MFSD11: variants seen among roughly 807,000 people sequenced by gnomAD.
MFSD11 encodes major facilitator superfamily domain containing 11.
MFSD11 carries 36 observed loss-of-function variants against 53.5 expected under a neutral mutation model. The observed-to-expected ratio is 0.67, with a 90% CI of 0.52 to 0.89. The LOEUF is 0.89. Ranked by LOEUF, MFSD11 falls within the 40% of genes least tolerant of loss-of-function variation. The probability of loss-of-function intolerance (pLI) is 0.00; values close to 1 mark genes in which losing one functional copy is unlikely to be tolerated. For missense variants in MFSD11, 530 were observed against 543.9 expected, an observed-to-expected ratio of 0.97 and a Z score of 0.25; for synonymous variants, 186 against 184.9, an observed-to-expected ratio of 1.01 and a Z score of -0.05.
chr17:76,776,390 T>C lies in MFSD11; in HGVS notation c.1050-16T>C. On this transcript the variant is annotated splice_polypyrimidine_tract_variant and intron_variant, in intron 11 of 12. Transcript: ENST00000685175. The surrounding 1 kb of genome is among the most constrained non-coding windows in gnomAD (Gnocchi z 4.2). ...GCAGATATTGCTCATACTAAATTGA[T>C]TTTTATTTTCTTCAGCAAAGAAGTT... 6.2e-7 allele frequency: 1 copy of C among 1,611,588 alleles called. No individual in the cohort carries two copies. The highest frequency in any genetic ancestry group is 8.5e-7 in the Non-Finnish European group (1 of 1,179,296).
At chr17:76,749,904 A>AAAG (rs2078903714) in intron 7 of MFSD11, among the ~76,000 whole-genome samples, 1 of 151,838 alleles carries the variant, frequency 6.6e-6, no homozygotes, top group Non-Finnish European at 1.5e-5. Flanking sequence ...AAAAAAAAAA[A>AAAG]AAGCAGAGAA....
intron 8 of MFSD11, among the ~76,000 whole-genome samples, chr17:76,758,087 T>C (rs932491101): frequency 4.6e-5 from 7 of 152,018 alleles, no homozygotes; most frequent in Non-Finnish European, 8.8e-5. Context: ...GCAGATTCAT[T>C]TGCAAACATC....
intron 10 of MFSD11, among the ~76,000 whole-genome samples, chr17:76,772,861 A>T (rs1221927359): frequency 6.6e-6 from 1 of 152,120 alleles, no homozygotes; most frequent in African/African-American, 2.4e-5. Context: ...TAGTTCATTT[A>T]ATTGAAAACA....
chr17:76,754,258 G>T, intron 8 of MFSD11, 171 bp downstream of exon 8: 1 of 562,580 alleles, frequency 1.8e-6, no homozygotes, highest in Non-Finnish European at 3.2e-6. Flanking sequence ...TCTAACATGG[G>T]GGTTGTGAGG....
chr17:76,800,347 G>A, the MFSD11 span, among the ~76,000 whole-genome samples: 2 of 152,092 alleles, frequency 1.3e-5, no homozygotes, highest in Non-Finnish European at 2.9e-5. Context: ...CTTAAGGGAG[G>A]TAAAAAGTCC....
downstream of MFSD11, among the ~76,000 whole-genome samples, chr17:76,782,130 G>A (rs758789425): frequency 7.1e-6 from 1 of 140,952 alleles, no homozygotes. Flanking sequence ...TTTCTCCCCC[G>A]CCCCCGGCCC....
intron 2 of MFSD11, 40 bp from the exon 3 acceptor site, chr17:76,740,917 C>CT (rs529882256): frequency 0.071 from 63,406 of 891,654 alleles, 486 homozygotes; most frequent in African/African-American, 0.16. Context: ...GGGCTTTGTT[C>CT]TTTTTTTTTT....
intron 6 of MFSD11, among the ~76,000 whole-genome samples, chr17:76,743,743 A>G (rs1025716366): frequency 2.6e-5 from 4 of 152,078 alleles, no homozygotes; most frequent in Non-Finnish European, 4.4e-5. Flanking sequence ...CAGCCTCCCA[A>G]GTAGCTGGGA....
chr17:76,763,013 T>C (rs1201170620), intron 8 of MFSD11, among the ~76,000 whole-genome samples: 14 of 152,168 alleles, frequency 9.2e-5, no homozygotes, highest in Non-Finnish European at 1.5e-4. Flanking sequence ...TTGCGTCTTA[T>C]AATTTTCCCC....
chr17:76,738,402 C>T lies in MFSD11; in HGVS notation c.50C>T (p.Ala17Val), dbSNP rs1376823542. 10 of 1,613,960 alleles carry T rather than the reference C, an allele frequency of 6.2e-6. No individual in the cohort carries two copies. Among genetic ancestry groups the T allele is most frequent in the East Asian group, 2.2e-5 (1 of 44,876 alleles). The stretch of plus-strand genomic sequence containing the variant: ...TTCAACATCATTATTTTAGGAGTTG[C>T]CTTTATGTTTATGTTCACTGCCTTT... Reference protein sequence around the residue: ...KLFNIIILGVAFMFMFTAFQT... With the variant: ...KLFNIIILGVVFMFMFTAFQT... The change falls in exon 1 of 13, where the codon GCC (alanine) becomes GTC (valine). Residue 17 changes from alanine to valine, a missense_variant. By Grantham distance (64) the Ala-to-Val change is moderately conservative (BLOSUM62 0). Transcript: ENST00000685175.
At chr17:76,736,670 G>C, upstream of MFSD11, 2 of 1,220,712 alleles carry the variant, frequency 1.6e-6, no homozygotes, top group Non-Finnish European at 2.1e-6. Flanking sequence ...CCGGAGGGTC[G>C]CGAGACGCGG....
In MFSD11 at chr17:76,769,799, A is replaced by T. The variant is rs982728019; in HGVS notation, c.802A>T (p.Asn268Tyr). 3 of 1,613,196 alleles carry T rather than the reference A, an allele frequency of 1.9e-6. No homozygotes were observed. Among genetic ancestry groups the T allele is most frequent in the Non-Finnish European group, 2.5e-6 (3 of 1,179,600 alleles). The change falls in exon 10 of 13, where the codon AAT (asparagine) becomes TAT (tyrosine). Residue 268 changes from asparagine to tyrosine, a missense_variant. Coordinates refer to ENST00000685175, the MANE Select transcript of MFSD11 (RefSeq NM_001242532.5). ...GVYGTCIGATNKFGAEEKSLI... is the reference protein window; with the variant it reads ...GVYGTCIGATYKFGAEEKSLI... ...ATATGGAACCTGTATTGGTGCTACA[A>T]ATAAATTTGGAGCAGAAGAGAAAAG...
chr17:76,797,884 G>T, the MFSD11 span, among the ~76,000 whole-genome samples: 2 of 99,592 alleles, frequency 2.0e-5, no homozygotes, highest in Non-Finnish European at 4.6e-5. Flanking sequence ...CAGAACTCAG[G>T]AAAACATTTT....
chr17:76,740,066 C>T (rs1222603284), intron 2 of MFSD11, among the ~76,000 whole-genome samples: 3 of 148,688 alleles, frequency 2.0e-5, no homozygotes, highest in Admixed American at 6.7e-5. Flanking sequence ...CCCAGCTACT[C>T]GGGAGGCTGA....
At chr17:76,757,626 T>C (rs2079785135) in intron 8 of MFSD11, among the ~76,000 whole-genome samples, 1 of 152,216 alleles carries the variant, frequency 6.6e-6, no homozygotes, top group Non-Finnish European at 1.5e-5. Flanking sequence ...TTCTAAAATA[T>C]GTTCGTAAAG....
chr17:76,762,764 A>T (rs901732733), intron 8 of MFSD11, among the ~76,000 whole-genome samples: 3 of 152,076 alleles, frequency 2.0e-5, no homozygotes, highest in Non-Finnish European at 1.5e-5. Context: ...AGGGTAATTG[A>T]CATCGTGGAC....
At chr17:76,773,602 C>T (rs1361969475) in intron 10 of MFSD11, among the ~76,000 whole-genome samples, 1 of 151,798 alleles carries the variant, frequency 6.6e-6, no homozygotes, top group African/African-American at 2.4e-5. Context: ...TTACTGTTAA[C>T]CTTCACTTTT....
chr17:76,786,492 C>A, the MFSD11 span, among the ~76,000 whole-genome samples: 1 of 152,240 alleles, frequency 6.6e-6, no homozygotes, highest in South Asian at 2.1e-4. Context: ...GGACTCAGCA[C>A]GTGTTGAACT....
chr17:76,771,048 C>CA (rs1486422273), intron 10 of MFSD11, among the ~76,000 whole-genome samples: 2 of 152,120 alleles, frequency 1.3e-5, no homozygotes, highest in African/African-American at 4.8e-5. Context: ...CTAACAACAA[C>CA]AAAAAAACAA....
Sources: gnomAD v4.1 joint callset for allele counts (sites outside exome capture counted in the v4.1 genomes callset) on GRCh38, gnomAD v4.1.1 for gene constraint, Gnocchi (gnomAD v3.1) non-coding constraint, MANE v1.5 for transcripts, NCBI Gene and HGNC (gene_info 2026-07-23, HGNC 2026-07-21) for gene names.